The following MARK1 variants were observed in gnomAD, a reference collection of about 807,000 sequenced individuals.
MARK1 encodes microtubule affinity regulating kinase 1, also known as serine/threonine-protein kinase MARK1.
Under a neutral mutation model 96.3 loss-of-function variants are expected in MARK1, and 40 were observed. The observed-to-expected ratio is 0.42, with a 90% CI of 0.32 to 0.54. MARK1 has a LOEUF of 0.54. Among genes scored for constraint, MARK1 ranks in the 20% least tolerant of loss-of-function variants. The pLI is 0.16. For missense variants in MARK1, 719 were observed against 984.6 expected (o/e 0.73, Z 3.61); for synonymous variants, 317 against 341.2 (o/e 0.93, Z 0.78).
chr1:220,537,504 T>C (rs1205986649), intron 1 of MARK1, among the ~76,000 whole-genome samples: 1 of 150,852 alleles, frequency 6.6e-6, no homozygotes, highest in Non-Finnish European at 1.5e-5. Flanking sequence ...ACATTTGGGT[T>C]GGTTCCAAGT....
At chr1:220,639,479 C>T (rs190179689) in intron 13 of MARK1, among the ~76,000 whole-genome samples, 1 of 152,190 alleles carries the variant, frequency 6.6e-6, no homozygotes, top group East Asian at 1.9e-4. Context: ...ATAATTTATT[C>T]AACCTTTCTT....
At chr1:220,575,988 T>C (rs1028016288) in intron 1 of MARK1, among the ~76,000 whole-genome samples, 4 of 3,008 alleles carry the variant, frequency 1.3e-3, no homozygotes, top group Non-Finnish European at 3.8e-3. Context: ...CGTATATAGC[T>C]CCTTTTTTTT....
chr1:220,596,371 T>C (rs551749650), intron 3 of MARK1, among the ~76,000 whole-genome samples: 1 of 152,364 alleles, frequency 6.6e-6, no homozygotes, highest in Non-Finnish European at 1.5e-5. Flanking sequence ...TTAACCCGTA[T>C]GCTCTTTGTC....
chr1:220,546,654 T>C (rs1572056434), intron 1 of MARK1, among the ~76,000 whole-genome samples: 1 of 152,342 alleles, frequency 6.6e-6, no homozygotes, highest in Non-Finnish European at 1.5e-5. Context: ...GTAAAGATAG[T>C]GTCCAGCCTG....
At chr1:220,560,146 C>T (rs1662564589) in intron 1 of MARK1, among the ~76,000 whole-genome samples, 1 of 152,120 alleles carries the variant, frequency 6.6e-6, no homozygotes, top group South Asian at 2.1e-4. Flanking sequence ...GACTTATTCA[C>T]TACCATGAGA....
intron 6 of MARK1, among the ~76,000 whole-genome samples, chr1:220,606,344 A>G (rs1026122805): frequency 1.5e-5 from 2 of 137,394 alleles, no homozygotes; most frequent in African/African-American, 5.1e-5. Context: ...GTCTGTTCAT[A>G]TCCTTTGCCC....
intron 13 of MARK1, among the ~76,000 whole-genome samples, chr1:220,650,012 C>G (rs987550730): frequency 2.0e-5 from 3 of 152,160 alleles, no homozygotes; most frequent in African/African-American, 7.2e-5. Context: ...CTCTTCTCTC[C>G]AAGGCTCCTC....
intron 1 of MARK1, among the ~76,000 whole-genome samples, chr1:220,533,818 T>G (rs770802234): frequency 6.6e-6 from 1 of 152,214 alleles, no homozygotes; most frequent in Non-Finnish European, 1.5e-5. Flanking sequence ...TTCTGCATAG[T>G]ATTTCTGGCA....
At chr1:220,660,164 C>T (rs1669397526) in intron 17 of MARK1, among the ~76,000 whole-genome samples, 1 of 152,144 alleles carries the variant, frequency 6.6e-6, no homozygotes, top group East Asian at 1.9e-4. Flanking sequence ...TCCAGGATGC[C>T]GATTCCACCA....
At chr1:220,605,637 G>A (rs559105128) in intron 6 of MARK1, among the ~76,000 whole-genome samples, 16 of 151,808 alleles carry the variant, frequency 1.1e-4, no homozygotes, top group African/African-American at 2.7e-4. Context: ...TTTACATTAG[G>A]TATTTCTCTA....
intron 6 of MARK1, among the ~76,000 whole-genome samples, chr1:220,605,063 C>T (rs1665987397): frequency 7.1e-6 from 1 of 140,944 alleles, no homozygotes; most frequent in Non-Finnish European, 1.6e-5. Flanking sequence ...TAAGATCTTT[C>T]TCTAAGATAC....
chr1:220,529,933 C>T (rs1012118971), intron 1 of MARK1, among the ~76,000 whole-genome samples: 6 of 152,192 alleles, frequency 3.9e-5, no homozygotes, highest in African/African-American at 1.4e-4. Flanking sequence ...CCAGAGCTCT[C>T]TGTCTAGTTA....
intron 3 of MARK1, among the ~76,000 whole-genome samples, chr1:220,586,009 A>ACACACGCACG (rs1553322887): frequency 7.7e-6 from 1 of 129,632 alleles, no homozygotes; most frequent in South Asian, 2.6e-4. Flanking sequence ...ACACACACAC[A>ACACACGCACG]CACGCGCGCG....
At chr1:220,537,449 G>C (rs1660787403) in intron 1 of MARK1, among the ~76,000 whole-genome samples, 1 of 151,378 alleles carries the variant, frequency 6.6e-6, no homozygotes, top group Non-Finnish European at 1.5e-5. Flanking sequence ...AGTATTCCAT[G>C]GTGTATATGT....
chr1:220,603,922 A>T, intron 5 of MARK1, 145 bp from the exon 6 acceptor site: 2 of 479,116 alleles, frequency 4.2e-6, no homozygotes, highest in African/African-American at 2.0e-5. Context: ...TTTTCTATTC[A>T]TGTGTTAGTT....
chr1:220,599,311 GTATT>G (rs1469703930), intron 4 of MARK1, among the ~76,000 whole-genome samples: 1 of 151,902 alleles, frequency 6.6e-6, no homozygotes, highest in Non-Finnish European at 1.5e-5. Context: ...AGTTGTTAAA[GTATT>G]TATTTGTGGT....
chr1:220,553,444 C>G (rs1466863218), intron 1 of MARK1, among the ~76,000 whole-genome samples: 1 of 152,134 alleles, frequency 6.6e-6, no homozygotes, highest in East Asian at 1.9e-4. Flanking sequence ...TAGGGAACTC[C>G]CCATGAGGCC....
intron 1 of MARK1, among the ~76,000 whole-genome samples, chr1:220,546,681 G>A (rs1303855443): frequency 6.6e-6 from 1 of 152,174 alleles, no homozygotes; most frequent in Non-Finnish European, 1.5e-5. Context: ...GAAATGAAAA[G>A]CAACTAATTG....
chr1:220,580,743 A>G (rs1047395341), intron 2 of MARK1, among the ~76,000 whole-genome samples: 4 of 152,202 alleles, frequency 2.6e-5, no homozygotes, highest in South Asian at 2.1e-4. Flanking sequence ...TTCACAAGCC[A>G]CTTCCCCCTA....
Sources: gnomAD v4.1 joint callset for allele counts (sites outside exome capture counted in the v4.1 genomes callset) on GRCh38, gnomAD v4.1.1 for gene constraint, MANE v1.5 for transcripts, NCBI Gene and HGNC (gene_info 2026-07-23, HGNC 2026-07-21) for gene names.